The following BMPR1B variants were observed in gnomAD, a reference collection of about 807,000 sequenced individuals.
The protein encoded by BMPR1B is bone morphogenetic protein receptor type-1B.
In BMPR1B, 12 loss-of-function variants were observed where a neutral mutation model predicts 59.1. The ratio of observed to expected loss-of-function variants is 0.20; its 90% CI spans 0.13 to 0.33. The LOEUF (loss-of-function observed/expected upper bound fraction) is 0.33, where lower values mean the gene tolerates loss of function less well. Ranked by LOEUF, BMPR1B falls within the 10% of genes least tolerant of loss-of-function variation. The pLI is 1.00. For missense variants in BMPR1B, 550 were observed against 610.9 expected, an observed-to-expected ratio of 0.90 and a Z score of 1.05; for synonymous variants, 237 against 207.3, an observed-to-expected ratio of 1.14 and a Z score of -1.23.
At chr4:94,978,910 C>T (rs1297091365) in intron 2 of BMPR1B, among the ~76,000 whole-genome samples, 1 of 151,588 alleles carries the variant, frequency 6.6e-6, no homozygotes, top group Non-Finnish European at 1.5e-5. Context: ...CAAAGGCACA[C>T]CTTACATGGT....
chr4:95,101,264 A>G (rs968258119), intron 3 of BMPR1B, among the ~76,000 whole-genome samples: 3 of 152,186 alleles, frequency 2.0e-5, no homozygotes, highest in Non-Finnish European at 4.4e-5. Context: ...GAATGTTTGC[A>G]GTAAGATGGT....
chr4:95,089,756 CCT>C (rs780420452), intron 3 of BMPR1B, among the ~76,000 whole-genome samples: 10 of 152,042 alleles, frequency 6.6e-5, no homozygotes, highest in Admixed American at 2.0e-4. Context: ...ACAAGATTGT[CCT>C]TTGGCAGTCT....
At position 95,027,374 on chromosome 4, in the gene BMPR1B, A is replaced by C. The variant is rs150308000; in HGVS notation, c.-18+31240A>C. Among the ~76,000 whole-genome samples the C allele has an allele frequency of 3.4e-3, 515 of 152,344 alleles. 3 individuals carry two copies. Among genetic ancestry groups the C allele is most frequent in the African/African-American group, 0.012 (489 of 41,586 alleles). On this transcript the variant is annotated intron_variant, in intron 3 of 12. Coordinates refer to ENST00000515059, the MANE Select transcript of BMPR1B (RefSeq NM_001203.3). Reference sequence around the variant, plus strand: ...AAGTCATCTGATTAAAAGATGTAGAAGAAAACCAAAATTTCTCCAATTTTT... The same window carrying C: ...AAGTCATCTGATTAAAAGATGTAGACGAAAACCAAAATTTCTCCAATTTTT...
chr4:95,147,465 A>G (rs116948554), intron 10 of BMPR1B, among the ~76,000 whole-genome samples: 2,714 of 152,204 alleles, frequency 0.018, 43 homozygotes, highest in East Asian at 0.041. Flanking sequence ...ACTATCTATG[A>G]CAGCAGGATA....
chr4:95,146,997 A>G (rs998319205), intron 10 of BMPR1B, among the ~76,000 whole-genome samples: 5 of 152,220 alleles, frequency 3.3e-5, no homozygotes, highest in African/African-American at 9.6e-5. Context: ...CTCTTTTTCC[A>G]GTTTTAGAAA....
At position 94,841,365 on chromosome 4, in the gene BMPR1B, C is replaced by T. The variant is rs372604514; in HGVS notation, c.-182-34466C>T. ...GGCGGGCGCCCCTCCCCCAGCCTCGCTGCCGCCTTGCAGTTTGATCTCAGA... is the reference window on the plus strand; with the variant it reads ...GGCGGGCGCCCCTCCCCCAGCCTCGTTGCCGCCTTGCAGTTTGATCTCAGA... On this transcript the variant is annotated intron_variant, in intron 1 of 12. Transcript: ENST00000515059. Among the ~76,000 whole-genome samples, 32 of 150,250 alleles carry T rather than the reference C, an allele frequency of 2.1e-4. No homozygotes were observed. The South Asian group carries it at 4.0e-3, about 19-fold the overall frequency.
At chr4:94,894,360 T>C (rs990368462) in intron 2 of BMPR1B, among the ~76,000 whole-genome samples, 35 of 151,962 alleles carry the variant, frequency 2.3e-4, no homozygotes, top group Non-Finnish European at 1.0e-4. Flanking sequence ...ACAGACCAGC[T>C]TTTCTTAAAC....
chr4:95,079,973 C>T (rs1459069115), intron 3 of BMPR1B, among the ~76,000 whole-genome samples: 1 of 151,988 alleles, frequency 6.6e-6, no homozygotes, highest in African/African-American at 2.4e-5. Flanking sequence ...CAAATATTTG[C>T]CAATACTTCA....
chr4:94,838,389 TG>T (rs1404993409), intron 1 of BMPR1B, among the ~76,000 whole-genome samples: 1 of 114,278 alleles, frequency 8.8e-6, no homozygotes, highest in Non-Finnish European at 1.9e-5. Flanking sequence ...CATCTGGTCC[TG>T]GACTCTTTTT....
intron 2 of BMPR1B, among the ~76,000 whole-genome samples, chr4:94,914,021 A>T (rs761889498): frequency 6.6e-6 from 1 of 152,196 alleles, no homozygotes; most frequent in Non-Finnish European, 1.5e-5. Context: ...TGAAATTTCA[A>T]GTCTAACAAG....
At chr4:94,990,071 G>A (rs1009031835) in intron 2 of BMPR1B, among the ~76,000 whole-genome samples, 1 of 152,204 alleles carries the variant, frequency 6.6e-6, no homozygotes, top group East Asian at 1.9e-4. Context: ...GAAAATATAA[G>A]TTGAGGCCGG....
At position 95,028,216 on chromosome 4, in the gene BMPR1B, A is replaced by G. The variant is rs909974573; in HGVS notation, c.-18+32082A>G. Among the ~76,000 whole-genome samples, 3 of 152,164 alleles carry G rather than the reference A, an allele frequency of 2.0e-5. No homozygotes were observed. The East Asian group carries it at 5.8e-4, about 29-fold the overall frequency. On this transcript the variant is annotated intron_variant, in intron 3 of 12. Coordinates refer to ENST00000515059, the MANE Select transcript of BMPR1B (RefSeq NM_001203.3). ...CACCTTTTTCTATTAATTATTTCCC[A>G]TAAGTATAGCTCAGTAAAGCAAAAC... is the stretch of plus-strand genomic sequence containing the variant.
At chr4:94,941,551 C>G (rs777453656) in intron 2 of BMPR1B, among the ~76,000 whole-genome samples, 14 of 151,444 alleles carry the variant, frequency 9.2e-5, no homozygotes, top group Non-Finnish European at 1.6e-4. Flanking sequence ...TTTTTATTTG[C>G]AAAATAAAGT....
chr4:94,953,733 C>G (rs1351404710), intron 2 of BMPR1B, among the ~76,000 whole-genome samples: 2 of 151,938 alleles, frequency 1.3e-5, no homozygotes, highest in Non-Finnish European at 2.9e-5. Context: ...GATTATGTGT[C>G]TTGGGGTTGC....
At chr4:95,151,144 A>G (rs530180673) in intron 11 of BMPR1B, among the ~76,000 whole-genome samples, 3 of 152,360 alleles carry the variant, frequency 2.0e-5, no homozygotes, top group African/African-American at 7.2e-5. Context: ...AAAGACAGAA[A>G]GGTTTGAGGT....
At chr4:94,821,849 A>G (rs532192817) in intron 1 of BMPR1B, among the ~76,000 whole-genome samples, 116 of 152,298 alleles carry the variant, frequency 7.6e-4, no homozygotes, top group Non-Finnish European at 1.1e-3. Flanking sequence ...TTGTGTGTCT[A>G]TTCACCTCAC....
chr4:94,855,697 T>C (rs978122), intron 1 of BMPR1B, among the ~76,000 whole-genome samples: 92,452 of 152,022 alleles, frequency 0.61, 28,996 homozygotes, highest in African/African-American at 0.76. Context: ...CTGCCACTGG[T>C]GATATTTGTG....
At chr4:95,068,147 C>T (rs1304207916) in intron 3 of BMPR1B, among the ~76,000 whole-genome samples, 1 of 152,126 alleles carries the variant, frequency 6.6e-6, no homozygotes, top group Non-Finnish European at 1.5e-5. Context: ...TGTGTAGACA[C>T]AGGCTAGGAA....
intron 3 of BMPR1B, among the ~76,000 whole-genome samples, chr4:95,059,353 T>G (rs1431815318): frequency 6.6e-6 from 1 of 152,214 alleles, no homozygotes; most frequent in Non-Finnish European, 1.5e-5. Context: ...ATTATTACAA[T>G]TTATTGAAAT....
Sources: allele counts gnomAD v4.1 joint callset (sites outside exome capture counted in the v4.1 genomes callset), GRCh38; gene constraint gnomAD v4.1.1; transcripts MANE v1.5; gene names NCBI Gene and HGNC (gene_info 2026-07-23, HGNC 2026-07-21).